ARHGAP28: variants seen among roughly 807,000 people sequenced by gnomAD.
ARHGAP28 encodes the protein rho GTPase-activating protein 28.
Under a neutral mutation model 90.7 loss-of-function variants are expected in ARHGAP28, and 56 were observed. The observed-to-expected ratio is 0.62, with a 90% CI of 0.50 to 0.77. ARHGAP28 has a LOEUF of 0.77. Ranked by LOEUF, ARHGAP28 falls within the 30% of genes least tolerant of loss-of-function variation. ARHGAP28 has a pLI of 0.00. For synonymous variants in ARHGAP28, 308 were observed against 323.3 expected (o/e 0.95, Z 0.51); for missense variants, 869 against 900.9 (o/e 0.96, Z 0.45).
Position 6,856,037 on chromosome 18 carries a change from C to T in ARHGAP28, c.637-3771C>T, listed in dbSNP as rs535795389. The stretch of plus-strand genomic sequence containing the variant: ...AGTGCAGCCTGCTGGGCCAAGTGGG[C>T]GGAATGAACCCAGTGGGCGGAATGA... On this transcript the variant is annotated intron_variant, in intron 4 of 17. Coordinates refer to ENST00000383472, the MANE Select transcript of ARHGAP28 (RefSeq NM_001366230.1). Among the ~76,000 whole-genome samples, 163 of 152,036 alleles carry T rather than the reference C, an allele frequency of 1.1e-3. 1 individual carries two copies. The highest frequency in any genetic ancestry group is 3.6e-3 in the African/African-American group (149 of 41,532).
intron 1 of ARHGAP28, among the ~76,000 whole-genome samples, chr18:6,805,593 C>T (rs546694040): frequency 7.0e-6 from 1 of 142,830 alleles, no homozygotes; most frequent in Middle Eastern, 4.0e-3. Flanking sequence ...TCAAACGATT[C>T]TCCTTCCTCA....
chr18:6,804,813 T>G lies in ARHGAP28; in HGVS notation c.123-19949T>G, dbSNP rs563020611. 8.7e-4 allele frequency among the ~76,000 whole-genome samples: 133 copies of G among 152,356 alleles called. 2 individuals carry two copies. Among genetic ancestry groups the G allele is most frequent in the African/African-American group, 2.6e-3 (110 of 41,588 alleles). The stretch of plus-strand genomic sequence containing the variant: ...CTTTTAAATTTATTGACACTTTTTG[T>G]GTAGACTAAATAGTATCTATATTGG... On this transcript the variant is annotated intron_variant, in intron 1 of 17. Coordinates refer to ENST00000383472, the MANE Select transcript of ARHGAP28 (RefSeq NM_001366230.1).
chr18:6,842,263 A>G (rs577898319), intron 3 of ARHGAP28, among the ~76,000 whole-genome samples: 2 of 152,274 alleles, frequency 1.3e-5, no homozygotes, highest in South Asian at 4.2e-4. Flanking sequence ...GCTACTCAGG[A>G]GGCTGAGGTG....
chr18:6,838,544 A>G (rs1195222768), intron 3 of ARHGAP28, among the ~76,000 whole-genome samples: 4 of 152,224 alleles, frequency 2.6e-5, no homozygotes, highest in African/African-American at 9.6e-5. Flanking sequence ...TAGTGATGGA[A>G]ATAGTCTACT....
chr18:6,878,433 C>T (rs1469248913), intron 10 of ARHGAP28, among the ~76,000 whole-genome samples: 1 of 151,276 alleles, frequency 6.6e-6, no homozygotes, highest in Non-Finnish European at 1.5e-5. Context: ...CAGCATGGCA[C>T]ATGTATACAT....
chr18:6,768,174 C>T (rs2056214483), intron 1 of ARHGAP28, among the ~76,000 whole-genome samples: 3 of 152,250 alleles, frequency 2.0e-5, no homozygotes, highest in Admixed American at 1.3e-4. Flanking sequence ...TTTCTCTCCT[C>T]TTATTTTTCT....
At chr18:6,871,807 G>A (rs78580811) in intron 7 of ARHGAP28, among the ~76,000 whole-genome samples, 83 of 152,260 alleles carry the variant, frequency 5.5e-4, no homozygotes, top group African/African-American at 1.9e-3. Flanking sequence ...ACAGAGGACA[G>A]GAAGAGGAAA....
intron 16 of ARHGAP28, chr18:6,896,835 T>G: frequency 2.0e-6 from 1 of 492,580 alleles, no homozygotes. Flanking sequence ...AAGGAATTTC[T>G]AGAAATGGGA....
intron 1 of ARHGAP28, among the ~76,000 whole-genome samples, chr18:6,805,850 A>G (rs565700733): frequency 6.6e-6 from 1 of 151,634 alleles, no homozygotes; most frequent in South Asian, 2.1e-4. Flanking sequence ...ATGTGGTTGC[A>G]TTTAAATATT....
rs555536243 is a variant in ARHGAP28, at chr18:6,763,790, T to C, written c.122+33847T>C. Among the ~76,000 whole-genome samples the C allele has an allele frequency of 2.6e-5, 4 of 152,256 alleles. No individual in the cohort carries two copies. The South Asian group carries it at 8.3e-4, about 32-fold the overall frequency. ...AGATGGGGAAGGAGAACAGCAATGC[T>C]CTTTAGGTAGGGAGGATACAGGAGC... On this transcript the variant is annotated intron_variant, in intron 1 of 17. Transcript: ENST00000383472.
chr18:6,794,610 A>G lies in ARHGAP28; in HGVS notation c.123-30152A>G, dbSNP rs533077035. ...TAGATTTGCTTTTAGGGTCTAAACCATTTATTTCTGATCTTGCCTTTTGTT... is the reference window on the plus strand; with the variant it reads ...TAGATTTGCTTTTAGGGTCTAAACCGTTTATTTCTGATCTTGCCTTTTGTT... On this transcript the variant is annotated intron_variant, in intron 1 of 17. Transcript: ENST00000383472. 2.0e-5 allele frequency among the ~76,000 whole-genome samples: 3 copies of G among 152,188 alleles called. No individual in the cohort carries two copies. The South Asian group carries it at 6.2e-4, about 32-fold the overall frequency.
In ARHGAP28 at chr18:6,915,626, A is replaced by T. The variant is rs913359163; in HGVS notation, c.*3472A>T. ...GTCTTTGCCCATCTCAAAAGCTAAT[A>T]TTGATTCTTCTGTTCCATCAGCTTT... On this transcript the variant is annotated 3_prime_UTR_variant, in exon 18 of 18. Coordinates refer to ENST00000383472, the MANE Select transcript of ARHGAP28 (RefSeq NM_001366230.1). The T allele has an allele frequency of 3.9e-5, 6 of 152,324 alleles. No individual in the cohort carries two copies. In the East Asian group the frequency reaches 1.2e-3, roughly 29 times the overall value. The allele number at this position is 152,324 out of a possible 1,614,324, so 9.4% of individuals were successfully genotyped here.
At chr18:6,816,545 C>T (rs537826449) in intron 1 of ARHGAP28, among the ~76,000 whole-genome samples, 11 of 152,270 alleles carry the variant, frequency 7.2e-5, no homozygotes, top group African/African-American at 2.2e-4. Flanking sequence ...CATCATTCAA[C>T]GGCAGTGACA....
At chr18:6,853,600 G>A (rs1245535738) in intron 4 of ARHGAP28, among the ~76,000 whole-genome samples, 1 of 151,910 alleles carries the variant, frequency 6.6e-6, no homozygotes, top group Admixed American at 6.6e-5. Flanking sequence ...AGCCTCCCAA[G>A]TAGCTGGGAT....
At chr18:6,864,607 G>A (rs1419906376) in intron 5 of ARHGAP28, among the ~76,000 whole-genome samples, 2 of 152,036 alleles carry the variant, frequency 1.3e-5, no homozygotes, top group South Asian at 4.1e-4. Flanking sequence ...TTTCTAAAAT[G>A]TGTGCGTTAT....
At chr18:6,839,109 A>G (rs2056776858) in intron 3 of ARHGAP28, among the ~76,000 whole-genome samples, 1 of 152,236 alleles carries the variant, frequency 6.6e-6, no homozygotes, top group Non-Finnish European at 1.5e-5. Flanking sequence ...GGATGATTTT[A>G]TGGGAAATTG....
intron 16 of ARHGAP28, chr18:6,898,180 T>G: frequency 3.5e-6 from 1 of 286,240 alleles, no homozygotes; most frequent in Non-Finnish European, 6.4e-6. Context: ...GGAGAAAAAC[T>G]TGAGAGATGG....
At chr18:6,869,255 T>A in intron 6 of ARHGAP28, among the ~76,000 whole-genome samples, 1 of 21,608 alleles carries the variant, frequency 4.6e-5, no homozygotes, top group African/African-American at 2.0e-4. Context: ...TTGCCATTCT[T>A]TTTTTTTTTT....
rs1347835754 is a variant in ARHGAP28 at position 6,827,915 on chromosome 18, C to T, written c.325+2951C>T. Among the ~76,000 whole-genome samples, 22 of 151,628 alleles carry T rather than the reference C, an allele frequency of 1.5e-4. 1 individual carries two copies. Among genetic ancestry groups the T allele is most frequent in the Admixed American group, 7.9e-4 (12 of 15,258 alleles). ...CTCACTTCCTAGATGGGATGGCGGC[C>T]GGGCAGAGACGCTCCTCACTTCCCA... On this transcript the variant is annotated intron_variant, in intron 2 of 17. Coordinates refer to ENST00000383472, the MANE Select transcript of ARHGAP28 (RefSeq NM_001366230.1).
Sources: gnomAD v4.1 joint callset for allele counts (sites outside exome capture counted in the v4.1 genomes callset) on GRCh38, gnomAD v4.1.1 for gene constraint, MANE v1.5 for transcripts, NCBI Gene and HGNC (gene_info 2026-07-23, HGNC 2026-07-21) for gene names.